Variants in OC90 observed in about 807,000 individuals in gnomAD.
OC90 encodes the protein otoconin-90.
A neutral mutation model predicts 47.3 loss-of-function variants in OC90; 46 were observed. The observed-to-expected ratio is 0.97, with a 90% CI of 0.77 to 1.24. The LOEUF (loss-of-function observed/expected upper bound fraction) is 1.24, where lower values mean the gene tolerates loss of function less well. OC90 is among the 50% of genes most tolerant of loss of function. The pLI, the probability that OC90 is intolerant of heterozygous loss-of-function variation, is 0.00. For synonymous variants in OC90, 271 were observed against 219.5 expected (o/e 1.23, Z -2.07); for missense variants, 688 against 583.9 (o/e 1.18, Z -1.84).
Position 132,029,138 on chromosome 8 carries a change from C to A in OC90, c.1073G>T (p.Arg358Met), listed in dbSNP as rs770222526. ...SHHCCLEQVR[R>M]LGCLLERLPW... Reference sequence around the variant, plus strand: ...AAGCCTCTCAAGCAGGCAGCCCAGCCTTCTCACTTGCTCTAGGCAGCAGTG... The same window carrying A: ...AAGCCTCTCAAGCAGGCAGCCCAGCATTCTCACTTGCTCTAGGCAGCAGTG... The change falls in exon 13 of 14, where the codon AGG becomes ATG. Residue 358 changes from arginine to methionine, a missense_variant. Physicochemically the swap from Arg to Met is moderately conservative, Grantham distance 91. Transcript: ENST00000254627. 96 of 1,613,878 alleles carry A rather than the reference C, an allele frequency of 5.9e-5. No individual in the cohort carries two copies. The highest frequency in any genetic ancestry group is 7.9e-5 in the Non-Finnish European group (93 of 1,179,892).
chr8:132,048,423 ACTAAGGCAG>A (rs1474271233), intron 2 of OC90, among the ~76,000 whole-genome samples: 1,517 of 149,924 alleles, frequency 0.01, 67 homozygotes, highest in African/African-American at 0.036. Context: ...GAGTATGGAG[ACTAAGGCAG>A]TCATGGTCCC....
intron 5 of OC90, 51 bp downstream of exon 5, chr8:132,041,474 C>T: frequency 3.9e-6 from 6 of 1,528,048 alleles, no homozygotes; most frequent in Admixed American, 3.8e-5. Flanking sequence ...TCAGCCAGGC[C>T]TCCCATGAGC....
chr8:132,028,860 AGG>A (rs1372205984), intron 13 of OC90, among the ~76,000 whole-genome samples: 3 of 149,744 alleles, frequency 2.0e-5, no homozygotes, highest in African/African-American at 7.4e-5. Flanking sequence ...GGAAAGAGGA[AGG>A]AAGGAAGGGA....
In OC90 at chr8:132,041,684, T is replaced by C; in HGVS notation, c.185A>G (p.His62Arg). Reference protein sequence around the residue: ...VAEIFDCLGPHFTWLQAVFTN... With the variant: ...VAEIFDCLGPRFTWLQAVFTN... ...GAAGACAGCCTGCAGCCAGGTGAAG[T>C]GGGGGCCCAGGCAATCTGTGGGGGT... The change falls in exon 5 of 14, where the codon CAC becomes CGC. Residue 62 changes from histidine (H) to arginine (R), a missense_variant. Coordinates refer to ENST00000254627, the MANE Select transcript of OC90 (RefSeq NM_001080399.3). 1 of 1,158,468 alleles carries C rather than the reference T, an allele frequency of 8.6e-7. No individual in the cohort carries two copies. The allele number at this position is 1,158,468 out of a possible 1,614,324, so 71.8% of individuals were successfully genotyped here. A position where few individuals can be genotyped will look rare whatever the true frequency, so the allele number is the denominator to read the frequency against.
chr8:132,037,354 G>A, intron 9 of OC90, 84 bp downstream of exon 9: 13 of 1,132,070 alleles, frequency 1.1e-5, no homozygotes, highest in Non-Finnish European at 1.7e-5. Context: ...GAGTTCTTGT[G>A]AGATCTGGTT....
At position 132,024,492 on chromosome 8, in the gene OC90, G is replaced by A; in HGVS notation, c.1423C>T (p.His475Tyr). The A allele has an allele frequency of 1.3e-6, 2 of 1,553,894 alleles. No homozygotes were observed. Among genetic ancestry groups the A allele is most frequent in the Non-Finnish European group, 1.7e-6 (2 of 1,149,052 alleles). Residue 475 changes from histidine (H) to tyrosine (Y), a missense_variant, in exon 14 of 14, where the codon CAT (histidine) becomes TAT (tyrosine). By Grantham distance (83) the His-to-Tyr change is moderately conservative (BLOSUM62 2). Coordinates refer to ENST00000254627, the MANE Select transcript of OC90 (RefSeq NM_001080399.3). The stretch of plus-strand genomic sequence containing the variant: ...TTTTCTCTGGGCATCTATCTTCCAT[G>A]AAGAGGCCCGATCCCCAAGGGACCC... The part of the protein sequence containing the change: ...SLGPLGIGPL[H>Y]GR
intron 11 of OC90, among the ~76,000 whole-genome samples, chr8:132,032,446 C>A (rs558067282): frequency 6.6e-6 from 1 of 152,244 alleles, no homozygotes; most frequent in East Asian, 1.9e-4. Flanking sequence ...CCTGGCTGGG[C>A]TTGCCTTTCT....
Position 132,024,641 on chromosome 8 carries a change from C to T in OC90, c.1274G>A (p.Cys425Tyr), listed in dbSNP as rs371026118. Reference sequence around the variant, plus strand: ...GGGCACAGGGTGCAGGCTGTCTTCACAGGCTGCTGGCTGCCCAGGGCACCC... The same window carrying T: ...GGGCACAGGGTGCAGGCTGTCTTCATAGGCTGCTGGCTGCCCAGGGCACCC... ...RLGCPGQPAA[C>Y]EDSLHPVPAA... is the part of the protein sequence containing the mutation. Residue 425 changes from cysteine to tyrosine, a missense_variant, in exon 14 of 14, where the codon TGT becomes TAT. Transcript: ENST00000254627. 3.2e-5 allele frequency: 51 copies of T among 1,613,030 alleles called. No homozygotes were observed. The African/African-American group carries it at 3.6e-4, about 11-fold the overall frequency.
chr8:132,041,028 A>T lies in OC90; in HGVS notation c.457+16T>A. ...ATTTCTGGGCCCAGGCCCCTGGGAC[A>T]CCTGGAGATGCTTACCACATATGAT... On this transcript the variant is annotated intron_variant, in intron 6 of 13. Coordinates refer to ENST00000254627, the MANE Select transcript of OC90 (RefSeq NM_001080399.3). 2 of 1,464,608 alleles carry T rather than the reference A, an allele frequency of 1.4e-6. No homozygotes were observed. Among genetic ancestry groups the T allele is most frequent in the Non-Finnish European group, 1.9e-6 (2 of 1,043,492 alleles). 90.7% of individuals were successfully genotyped at this position (1,464,608 alleles called of 1,614,324 possible).
Position 132,024,543 on chromosome 8 carries a change from C to G in OC90, c.1372G>C (p.Ala458Pro). 1.2e-6 allele frequency: 2 copies of G among 1,606,888 alleles called. No homozygotes were observed. Among genetic ancestry groups the G allele is most frequent in the East Asian group, 4.5e-5 (2 of 44,718 alleles). Reference sequence around the variant, plus strand: ...AGTGACTTCCGCAGAAACCTCTTGGCTCTGCCGAGGTCCTCCTGTGGAGGG... The same window carrying G: ...AGTGACTTCCGCAGAAACCTCTTGGGTCTGCCGAGGTCCTCCTGTGGAGGG... Reference protein sequence around the residue: ...EDPPQEDLGRAKRFLRKSLGP... With the variant: ...EDPPQEDLGRPKRFLRKSLGP... The change falls in exon 14 of 14, where the codon GCC becomes CCC. Residue 458 changes from alanine (A) to proline (P), a missense_variant. Physicochemically the swap from Ala to Pro is conservative, Grantham distance 27 (BLOSUM62 -1). Coordinates refer to ENST00000254627, the MANE Select transcript of OC90 (RefSeq NM_001080399.3).
chr8:132,027,632 C>A (rs555676690), intron 13 of OC90, among the ~76,000 whole-genome samples: 1 of 152,288 alleles, frequency 6.6e-6, no homozygotes, highest in Non-Finnish European at 1.5e-5. Flanking sequence ...CAGATAAAGT[C>A]AATTCTACAG....
intron 2 of OC90, among the ~76,000 whole-genome samples, chr8:132,049,051 C>T (rs1458737521): frequency 6.6e-6 from 1 of 151,364 alleles, no homozygotes; most frequent in Non-Finnish European, 1.5e-5. Context: ...ATGAGGTTGA[C>T]GATGAAGGTA....
intron 12 of OC90, 97 bp from the exon 13 acceptor site, chr8:132,029,276 G>A: frequency 1.1e-6 from 1 of 926,508 alleles, no homozygotes; most frequent in African/African-American, 1.6e-5. Flanking sequence ...CTATAGTAGT[G>A]AGGGAAGCCA....
chr8:132,031,890 T>A lies in OC90; in HGVS notation c.1022A>T (p.Asp341Val), dbSNP rs774658619. 5 of 1,613,812 alleles carry A rather than the reference T, an allele frequency of 3.1e-6. No homozygotes were observed. The South Asian group carries it at 4.4e-5, about 14-fold the overall frequency. The change falls in exon 12 of 14, where the codon GAC (aspartate) becomes GTC (valine). Residue 341 changes from aspartate (D) to valine (V), a missense_variant. Asp to Val is a radical substitution (Grantham distance 152). Transcript: ENST00000254627. Reference sequence around the variant, plus strand: ...CGCTGGCTCTCCATACCTGTCTAGGTCATCCCTTGGCTCGCCTCTTCCTTC... The same window carrying A: ...CGCTGGCTCTCCATACCTGTCTAGGACATCCCTTGGCTCGCCTCTTCCTTC... Reference protein sequence around the residue: ...GQEGRGEPRDDLDRCCLSHHC... With the variant: ...GQEGRGEPRDVLDRCCLSHHC...
In OC90 at chr8:132,039,043, A is replaced by C; in HGVS notation, c.538T>G (p.Ser180Ala). 1 of 1,613,938 alleles carries C rather than the reference A, an allele frequency of 6.2e-7. No homozygotes were observed. The highest frequency in any genetic ancestry group is 8.5e-7 in the Non-Finnish European group (1 of 1,179,854). ...GAGGTGTCCAGAAGGTTCAGGGAAG[A>C]GTTGAGGCTGGATCGAGCCAAGCAC... Reference protein sequence around the residue: ...IECLARSSLNSSLNLLDTSFC... With the variant: ...IECLARSSLNASLNLLDTSFC... Residue 180 changes from serine (S) to alanine (A), a missense_variant, in exon 7 of 14, where the codon TCT (serine) becomes GCT (alanine). Transcript: ENST00000254627.
At chr8:132,032,336 A>G (rs939336805) in intron 11 of OC90, among the ~76,000 whole-genome samples, 1 of 152,150 alleles carries the variant, frequency 6.6e-6, no homozygotes, top group African/African-American at 2.4e-5. Context: ...TCAGGACCCA[A>G]GATGCTGTTT....
intron 9 of OC90, among the ~76,000 whole-genome samples, chr8:132,036,693 G>A (rs1297426288): frequency 6.6e-6 from 1 of 152,234 alleles, no homozygotes; most frequent in Non-Finnish European, 1.5e-5. Flanking sequence ...GGTCCCTGTG[G>A]GAAGGAAGCT....
chr8:132,038,975 T>G lies in OC90; in HGVS notation c.586+20A>C. ...TCCAGATCCTCAGCCCCACGGCTGA[T>G]GCAGCCAGGTTCTTCCTACCTGGAG... On this transcript the variant is annotated intron_variant, in intron 7 of 13. Transcript: ENST00000254627. The G allele has an allele frequency of 6.2e-6, 10 of 1,613,918 alleles. No individual in the cohort carries two copies. Among genetic ancestry groups the G allele is most frequent in the Non-Finnish European group, 7.6e-6 (9 of 1,179,806 alleles).
intron 2 of OC90, among the ~76,000 whole-genome samples, chr8:132,053,102 C>T (rs544718546): frequency 8.3e-4 from 127 of 152,190 alleles, no homozygotes; most frequent in African/African-American, 2.9e-3. Context: ...CTGTTACCCT[C>T]GCATTACTGA....
Sources: allele counts gnomAD v4.1 joint callset (sites outside exome capture counted in the v4.1 genomes callset), GRCh38; gene constraint gnomAD v4.1.1; transcripts MANE v1.5; gene names NCBI Gene and HGNC (gene_info 2026-07-23, HGNC 2026-07-21).